Variants in GLI3 observed in about 807,000 individuals in gnomAD.
GLI3 encodes the protein GLI family zinc finger 3.
Under a neutral mutation model 100.8 loss-of-function variants are expected in GLI3, and 20 were observed. The ratio of observed to expected loss-of-function variants is 0.20; its 90% CI spans 0.14 to 0.29. The LOEUF (loss-of-function observed/expected upper bound fraction) is 0.29. Among genes scored for constraint, GLI3 ranks in the 10% least tolerant of loss-of-function variants. GLI3 has a pLI of 1.00. For synonymous variants in GLI3, 938 were observed against 860.5 expected, an observed-to-expected ratio of 1.09 and a Z score of -1.58; for missense variants, 2,040 against 2,128.5, an observed-to-expected ratio of 0.96 and a Z score of 0.82.
intron 10 of GLI3, among the ~76,000 whole-genome samples, chr7:42,017,343 C>G (rs1316479755): frequency 2.0e-5 from 3 of 152,294 alleles, no homozygotes; most frequent in Non-Finnish European, 4.4e-5. Context: ...ATGTCAGAAA[C>G]AGTTACTCGG....
chr7:42,074,076 A>G (rs1477688930), intron 4 of GLI3, among the ~76,000 whole-genome samples: 2 of 152,222 alleles, frequency 1.3e-5, no homozygotes, highest in Non-Finnish European at 2.9e-5. Flanking sequence ...ATAACTGAGC[A>G]AGGGCAGAAT....
intron 10 of GLI3, among the ~76,000 whole-genome samples, chr7:41,981,235 C>T (rs991424252): frequency 5.3e-5 from 8 of 152,150 alleles, no homozygotes; most frequent in African/African-American, 1.4e-4. Flanking sequence ...CTTGGCATGG[C>T]GAGAAGGCAT....
chr7:42,193,155 C>G (rs1243479115), intron 2 of GLI3, among the ~76,000 whole-genome samples: 1 of 152,110 alleles, frequency 6.6e-6, no homozygotes, highest in Non-Finnish European at 1.5e-5. Flanking sequence ...AGAAACAGCT[C>G]AAGGAAGGTC....
chr7:42,092,795 TTATTTATTTATTTATTTATG>T (rs1785251998), intron 3 of GLI3, among the ~76,000 whole-genome samples: 1 of 139,362 alleles, frequency 7.2e-6, no homozygotes, highest in African/African-American at 2.6e-5. Flanking sequence ...TTTTATTTAT[TTATTTATTTATTTATTTATG>T]TATTTATGTA....
chr7:41,975,346 G>A (rs4724084), intron 12 of GLI3, among the ~76,000 whole-genome samples: 76,783 of 152,014 alleles, frequency 0.51, 20,503 homozygotes, highest in East Asian at 0.81. Flanking sequence ...AATAAATGAA[G>A]GCAAATCACT....
chr7:42,189,294 G>C (rs937456559), intron 2 of GLI3, among the ~76,000 whole-genome samples: 3 of 152,180 alleles, frequency 2.0e-5, no homozygotes, highest in African/African-American at 7.2e-5. Context: ...AATCAAGAGA[G>C]AACATGCAAC....
chr7:42,190,129 C>T (rs1583634360), intron 2 of GLI3, among the ~76,000 whole-genome samples: 1 of 113,200 alleles, frequency 8.8e-6, no homozygotes, highest in East Asian at 2.0e-4. Flanking sequence ...GCATGAATAT[C>T]ATCTTACTGT....
intron 3 of GLI3, among the ~76,000 whole-genome samples, chr7:42,104,053 A>C (rs1785523586): frequency 6.6e-6 from 1 of 152,056 alleles, no homozygotes. Flanking sequence ...TCTGAGGACG[A>C]TGTGCTTTGT....
intron 1 of GLI3, among the ~76,000 whole-genome samples, chr7:42,245,730 A>G (rs758065363): frequency 1.3e-5 from 2 of 152,050 alleles, no homozygotes; most frequent in African/African-American, 4.8e-5. Flanking sequence ...ATCTTATAAA[A>G]TAATTTAGAG....
At position 41,964,892 on chromosome 7, in the gene GLI3, C is replaced by T; in HGVS notation, c.4181G>A (p.Arg1394His). The change falls in exon 15 of 15, where the codon CGC (arginine) becomes CAC (histidine). Residue 1394 changes from arginine to histidine, a missense_variant. This residue lies in a region of GLI3 where 1,041 missense variants were observed against 924.0 expected (regional missense o/e 1.13). Coordinates refer to ENST00000395925, the MANE Select transcript of GLI3 (RefSeq NM_000168.6). ...AAGGCTGTCCCTCGGCATAGCCTGG[C>T]GCCTGCTGCCCCCAAAGCTGGCACA... ...QPCASFGGSR[R>H]QAMPRDSLAL... 7 of 1,613,826 alleles carry T rather than the reference C, an allele frequency of 4.3e-6. No homozygotes were observed. The highest frequency in any genetic ancestry group is 1.7e-5 in the Admixed American group (1 of 60,028).
At position 42,246,805 on chromosome 7, in the gene GLI3, C is replaced by CTTTTTTT. The variant is rs71006467; in HGVS notation, c.-43+17182_-43+17188dup. 7.5e-3 allele frequency among the ~76,000 whole-genome samples: 715 copies of CTTTTTTT among 94,850 alleles called. 69 individuals are homozygous for CTTTTTTT. The highest frequency in any genetic ancestry group is 0.012 in the Non-Finnish European group (568 of 49,158). The allele number at this position is 94,850 out of a possible 152,430, so 62.2% of individuals were successfully genotyped here. ...TTAAAGGCTCATTGGATGATAGAAT[C>CTTTTTTT]TTTTTTTTTTTTTTTTTTTTTTTTT... On this transcript the variant is annotated intron_variant, in intron 1 of 2. Coordinates refer to the GLI3 transcript ENST00000678978.
At chr7:42,217,909 GTCC>G (rs1224216979) in intron 2 of GLI3, among the ~76,000 whole-genome samples, 2 of 152,204 alleles carry the variant, frequency 1.3e-5, no homozygotes, top group African/African-American at 4.8e-5. Flanking sequence ...CGTTTGCAGA[GTCC>G]TTCCTATATG....
At chr7:41,976,496 G>A (rs1275808041) in intron 12 of GLI3, among the ~76,000 whole-genome samples, 1 of 152,152 alleles carries the variant, frequency 6.6e-6, no homozygotes, top group Non-Finnish European at 1.5e-5. Flanking sequence ...AAAGTCCACT[G>A]AGCAGAATGG....
At chr7:42,150,795 T>C (rs1037482957) in intron 2 of GLI3, among the ~76,000 whole-genome samples, 9 of 152,238 alleles carry the variant, frequency 5.9e-5, no homozygotes, top group Non-Finnish European at 1.2e-4. Context: ...TACATGTTTA[T>C]GATGAGCATT....
chr7:42,216,200 T>C (rs1788373923), intron 2 of GLI3, among the ~76,000 whole-genome samples: 1 of 152,126 alleles, frequency 6.6e-6, no homozygotes, highest in Non-Finnish European at 1.5e-5. Context: ...CTCAAAGTGT[T>C]GTAATTTGCA....
At chr7:42,023,733 G>C in intron 9 of GLI3, 125 bp from the exon 10 acceptor site, 1 of 780,636 alleles carries the variant, frequency 1.3e-6, no homozygotes, top group Non-Finnish European at 2.2e-6. Context: ...GTGAAGTGAA[G>C]AAGTCAAACA....
intron 2 of GLI3, among the ~76,000 whole-genome samples, chr7:42,217,493 C>G (rs746539240): frequency 1.3e-5 from 2 of 152,104 alleles, no homozygotes; most frequent in African/African-American, 2.4e-5. Context: ...CAGTTCAACC[C>G]AGGAAAAGAA....
chr7:42,063,932 C>T (rs1277995946), intron 4 of GLI3, among the ~76,000 whole-genome samples: 1 of 152,156 alleles, frequency 6.6e-6, no homozygotes, highest in Admixed American at 6.6e-5. Context: ...GCATGTATGC[C>T]TACACTTACA....
At chr7:42,155,491 G>A (rs1379324958) in intron 2 of GLI3, among the ~76,000 whole-genome samples, 3 of 151,486 alleles carry the variant, frequency 2.0e-5, no homozygotes, top group Non-Finnish European at 2.9e-5. Flanking sequence ...GAGCCATAGA[G>A]TAGCTTAATT....
Sources: allele counts gnomAD v4.1 joint callset (sites outside exome capture counted in the v4.1 genomes callset), GRCh38; gene constraint gnomAD v4.1.1; regional missense constraint gnomAD v4.1.1; transcripts MANE v1.5; gene names NCBI Gene and HGNC (gene_info 2026-07-23, HGNC 2026-07-21).